ENDOV: variants seen among roughly 807,000 people sequenced by gnomAD.
ENDOV encodes hEndoV.
In ENDOV, 37 loss-of-function variants were observed where a neutral mutation model predicts 39.4. The observed-to-expected ratio is 0.94, with a 90% CI of 0.72 to 1.23. The LOEUF is 1.23. ENDOV is among the 50% of genes most tolerant of loss of function. ENDOV has a pLI of 0.00. For synonymous variants in ENDOV, 186 were observed against 163.4 expected (o/e 1.14, Z -1.05); for missense variants, 441 against 375.7 (o/e 1.17, Z -1.44).
chr17:80,421,617 T>C (rs987285116), intron 2 of ENDOV, among the ~76,000 whole-genome samples: 1 of 151,962 alleles, frequency 6.6e-6, no homozygotes, highest in Non-Finnish European at 1.5e-5. Context: ...ATGGACCAGG[T>C]CCCGGGGGTA....
chr17:80,416,689 CCCCTCCCTCCCT>C (rs56884894), intron 2 of ENDOV, among the ~76,000 whole-genome samples: 2 of 143,052 alleles, frequency 1.4e-5, no homozygotes, highest in East Asian at 2.1e-4. Context: ...AGCAACAAGT[CCCCTCCCTCCCT>C]CCCTCCCTCC....
At chr17:80,428,844 T>C (rs1044927921) in intron 8 of ENDOV, among the ~76,000 whole-genome samples, 184 bp downstream of exon 8, 2 of 152,068 alleles carry the variant, frequency 1.3e-5, no homozygotes, top group African/African-American at 4.8e-5. Context: ...TGGGGTAGAC[T>C]CCTATTCTCG....
chr17:80,425,460 C>G, intron 6 of ENDOV, 32 bp from the exon 7 acceptor site: 1 of 1,579,792 alleles, frequency 6.3e-7, no homozygotes, highest in Non-Finnish European at 8.6e-7. Context: ...GTGGCCCAGC[C>G]CACAGGACAG....
intron 9 of ENDOV, among the ~76,000 whole-genome samples, chr17:80,433,706 G>C (rs1442787868): frequency 6.6e-6 from 1 of 152,230 alleles, no homozygotes; most frequent in Non-Finnish European, 1.5e-5. Flanking sequence ...GGGGGGCAGA[G>C]ATGGCTCTGG....
chr17:80,433,524 C>T (rs1316177117), intron 9 of ENDOV, among the ~76,000 whole-genome samples: 1 of 152,232 alleles, frequency 6.6e-6, no homozygotes, highest in Non-Finnish European at 1.5e-5. Flanking sequence ...CCTGGCTGCC[C>T]CCTTCCTCTG....
intron 5 of ENDOV, chr17:80,424,045 C>G: frequency 2.6e-6 from 1 of 382,390 alleles, no homozygotes; most frequent in Admixed American, 4.4e-5. Flanking sequence ...GCCCCCCTCC[C>G]GCCAAGACCT....
At chr17:80,434,639 T>G (rs1373713801) in intron 9 of ENDOV, among the ~76,000 whole-genome samples, 1 of 152,166 alleles carries the variant, frequency 6.6e-6, no homozygotes, top group African/African-American at 2.4e-5. Flanking sequence ...AGCCATTCCT[T>G]GGAGTAGAAA....
At chr17:80,432,510 C>T (rs917398251) in intron 9 of ENDOV, among the ~76,000 whole-genome samples, 3 of 152,194 alleles carry the variant, frequency 2.0e-5, no homozygotes, top group South Asian at 2.1e-4. Context: ...TAACACCAAC[C>T]GAGCACAGCC....
chr17:80,422,138 A>G (rs1478558898), intron 3 of ENDOV, 68 bp from the exon 4 acceptor site: 1 of 1,602,418 alleles, frequency 6.2e-7, no homozygotes, highest in Admixed American at 1.7e-5. Context: ...TTCTTGCCTC[A>G]GGGATGGCCC....
intron 2 of ENDOV, chr17:80,418,455 G>C (rs2081494266): frequency 1.3e-5 from 2 of 152,200 alleles, no homozygotes; most frequent in African/African-American, 4.8e-5. Flanking sequence ...CTCAAGAGTA[G>C]GGTGTACCAT....
chr17:80,434,203 G>A (rs750141282), intron 9 of ENDOV, among the ~76,000 whole-genome samples: 4 of 152,236 alleles, frequency 2.6e-5, no homozygotes, highest in Admixed American at 6.5e-5. Context: ...TGGAATCACC[G>A]TGTAGTCTTT....
In ENDOV at chr17:80,426,855, G is replaced by A. The variant is rs574769497; in HGVS notation, c.714+1235G>A. On this transcript the variant is annotated intron_variant, in intron 7 of 9. Transcript: ENST00000518137. ...AGGTGGCCGCTGTGCGTGCTGTGGAGGCTGTGGACGCAGGTCTGCACAAGC... is the reference window on the plus strand; with the variant it reads ...AGGTGGCCGCTGTGCGTGCTGTGGAAGCTGTGGACGCAGGTCTGCACAAGC... Among the ~76,000 whole-genome samples the A allele has an allele frequency of 4.3e-3, 653 of 152,332 alleles. 6 individuals carry two copies. The highest frequency in any genetic ancestry group is 7.8e-3 in the Non-Finnish European group (530 of 68,020).
Position 80,436,485 on chromosome 17 carries a change from G to A in ENDOV, c.*342G>A. The A allele has an allele frequency of 1.3e-6, 1 of 745,326 alleles. No individual in the cohort carries two copies. The highest frequency in any genetic ancestry group is 1.9e-6 in the Non-Finnish European group (1 of 533,884). 46.2% of individuals were successfully genotyped at this position (745,326 alleles called of 1,614,324 possible). ...TTGTTAAGTGTTTTTATCCTTAAAG[G>A]GTACTGGATTTTGTCAAATGCTTTT... On this transcript the variant is annotated 3_prime_UTR_variant, in exon 10 of 10. Transcript: ENST00000518137.
chr17:80,422,423 C>T (rs928813714), intron 4 of ENDOV, among the ~76,000 whole-genome samples, 178 bp downstream of exon 4: 5 of 151,218 alleles, frequency 3.3e-5, no homozygotes, highest in Admixed American at 1.3e-4. Context: ...CCTCCCCCAC[C>T]GCCGGTAAAG....
chr17:80,428,237 C>T (rs2082965683), intron 7 of ENDOV, among the ~76,000 whole-genome samples: 1 of 152,230 alleles, frequency 6.6e-6, no homozygotes, highest in African/African-American at 2.4e-5. Flanking sequence ...TTGCGCAGAG[C>T]CTACAGGGAA....
rs374446721 is a variant in ENDOV, at chr17:80,415,183, C to T, written c.-12C>T. 22 of 1,612,600 alleles carry T rather than the reference C, an allele frequency of 1.4e-5. No homozygotes were observed. In the East Asian group the frequency reaches 2.5e-4, roughly 18 times the overall value. ...GGAAGTGACGTGCGGAAGGGGTGCCCGGGACGAAGCCATGGCCCTGGAGGC... is the reference window on the plus strand; with the variant it reads ...GGAAGTGACGTGCGGAAGGGGTGCCTGGGACGAAGCCATGGCCCTGGAGGC... On this transcript the variant is annotated 5_prime_UTR_variant, in exon 1 of 10. Coordinates refer to ENST00000518137, the MANE Select transcript of ENDOV (RefSeq NM_173627.5).
At chr17:80,430,058 CAA>C in intron 9 of ENDOV, 1 of 1,535,802 alleles carries the variant, frequency 6.5e-7, no homozygotes, top group East Asian at 2.4e-5. Flanking sequence ...ACCCAGTCCC[CAA>C]AGACAGGCTG....
Position 80,415,669 on chromosome 17 carries a change from G to A in ENDOV, c.76G>A (p.Ala26Thr). 1 of 1,612,656 alleles carries A rather than the reference G, an allele frequency of 6.2e-7. No individual in the cohort carries two copies. Among genetic ancestry groups the A allele is most frequent in the Non-Finnish European group, 8.5e-7 (1 of 1,179,412 alleles). ...TCCTAGGGAGCAAGCTCGGCTGAAGGCCCACGTCGTAGACCGGGACACCGA... is the reference window on the plus strand; with the variant it reads ...TCCTAGGGAGCAAGCTCGGCTGAAGACCCACGTCGTAGACCGGGACACCGA... ...LWKREQARLK[A>T]HVVDRDTEAW... The change falls in exon 2 of 10, where the codon GCC (alanine) becomes ACC (threonine). Residue 26 changes from alanine to threonine, a missense_variant. Transcript: ENST00000518137.
chr17:80,430,530 T>C (rs2083268623), intron 9 of ENDOV: 3 of 462,240 alleles, frequency 6.5e-6, no homozygotes, highest in South Asian at 6.2e-5. Context: ...AGCTGGGCTT[T>C]AGCACCTGCT....
Sources: gnomAD v4.1 joint callset for allele counts (sites outside exome capture counted in the v4.1 genomes callset) on GRCh38, gnomAD v4.1.1 for gene constraint, MANE v1.5 for transcripts, NCBI Gene and HGNC (gene_info 2026-07-23, HGNC 2026-07-21) for gene names.